IBTK: variants seen among roughly 807,000 people sequenced by gnomAD.
IBTK encodes inhibitor of Bruton tyrosine kinase.
In IBTK, 83 loss-of-function variants were observed where a neutral mutation model predicts 154.9. That is an observed-to-expected ratio of 0.54 (90% CI 0.45 to 0.64). The LOEUF is 0.64. Among genes scored for constraint, IBTK ranks in the 30% least tolerant of loss-of-function variants. IBTK has a pLI of 0.00. For synonymous variants in IBTK, 515 were observed against 536.1 expected (o/e 0.96, Z 0.54); for missense variants, 1,332 against 1,584.6 (o/e 0.84, Z 2.71).
At chr6:82,184,093 G>A (rs1768421489) in intron 25 of IBTK, among the ~76,000 whole-genome samples, 1 of 152,174 alleles carries the variant, frequency 6.6e-6, no homozygotes, top group Non-Finnish European at 1.5e-5. Flanking sequence ...ACTGGCATAA[G>A]GATTGACAAA....
intron 11 of IBTK, among the ~76,000 whole-genome samples, chr6:82,215,630 T>A (rs1769839485): frequency 6.6e-6 from 1 of 151,580 alleles, no homozygotes; most frequent in Non-Finnish European, 1.5e-5. Flanking sequence ...CTACTAAAAA[T>A]ACAAAAATTA....
At chr6:82,192,662 G>A (rs1210825130) in intron 23 of IBTK, among the ~76,000 whole-genome samples, 2 of 151,146 alleles carry the variant, frequency 1.3e-5, no homozygotes, top group African/African-American at 4.9e-5. Context: ...CAGGAGAACC[G>A]CTTGAACCTG....
rs2127822069 is a variant in IBTK at position 82,227,174 on chromosome 6, T to G, written c.654+18A>C. 1 of 1,509,948 alleles carries G rather than the reference T, an allele frequency of 6.6e-7. No individual in the cohort carries two copies. The highest frequency in any genetic ancestry group is 2.3e-5 in the East Asian group (1 of 43,988). The allele number at this position is 1,509,948 out of a possible 1,614,324, so 93.5% of individuals were successfully genotyped here. ...TTTTTCTAAAGTTACCTAAATAGTGTAATGACATTTCAATTACCAAGCATG... is the reference window on the plus strand; with the variant it reads ...TTTTTCTAAAGTTACCTAAATAGTGGAATGACATTTCAATTACCAAGCATG... On this transcript the variant is annotated intron_variant, in intron 5 of 28. Coordinates refer to ENST00000306270, the MANE Select transcript of IBTK (RefSeq NM_015525.4).
At chr6:82,209,232 A>G (rs892961856) in intron 16 of IBTK, among the ~76,000 whole-genome samples, 3 of 152,208 alleles carry the variant, frequency 2.0e-5, no homozygotes, top group Non-Finnish European at 4.4e-5. Context: ...TATGCCCAAG[A>G]AAAATGAAAA....
At chr6:82,195,587 A>T (rs1421920497) in intron 22 of IBTK, among the ~76,000 whole-genome samples, 1 of 152,136 alleles carries the variant, frequency 6.6e-6, no homozygotes, top group Non-Finnish European at 1.5e-5. Context: ...TCTCAAAAAA[A>T]AAAATCAAAT....
At chr6:82,227,544 T>C (rs1770340864) in intron 4 of IBTK, among the ~76,000 whole-genome samples, 1 of 152,146 alleles carries the variant, frequency 6.6e-6, no homozygotes, top group African/African-American at 2.4e-5. Context: ...GAATTAAGCA[T>C]GTGTTACCCA....
intron 25 of IBTK, 78 bp from the exon 26 acceptor site, chr6:82,182,106 A>G: frequency 7.1e-7 from 1 of 1,401,516 alleles, no homozygotes; most frequent in Non-Finnish European, 9.7e-7. Flanking sequence ...GAGAACAATA[A>G]GAACGTATAC....
intron 12 of IBTK, among the ~76,000 whole-genome samples, chr6:82,213,903 G>T (rs1258371778): frequency 2.0e-5 from 3 of 152,070 alleles, no homozygotes; most frequent in African/African-American, 7.2e-5. Flanking sequence ...TGGAACAAGT[G>T]GGAGGAGACT....
intron 25 of IBTK, among the ~76,000 whole-genome samples, chr6:82,186,120 A>T (rs1337055141): frequency 6.6e-6 from 1 of 152,162 alleles, no homozygotes; most frequent in Non-Finnish European, 1.5e-5. Flanking sequence ...TGGCAAGCTT[A>T]ATTGATAAAT....
chr6:82,201,792 A>G (rs532561337), intron 18 of IBTK, among the ~76,000 whole-genome samples: 1 of 151,606 alleles, frequency 6.6e-6, no homozygotes, highest in African/African-American at 2.4e-5. Context: ...GTGCAATCTC[A>G]GCTCACTGCA....
chr6:82,207,506 T>A (rs1769458870), intron 16 of IBTK, among the ~76,000 whole-genome samples: 1 of 152,162 alleles, frequency 6.6e-6, no homozygotes, highest in Admixed American at 6.5e-5. Flanking sequence ...ATGACAATAA[T>A]CCTCAAGCTG....
chr6:82,213,364 C>T (rs1769729328), intron 12 of IBTK, among the ~76,000 whole-genome samples: 1 of 152,032 alleles, frequency 6.6e-6, no homozygotes, highest in South Asian at 2.1e-4. Flanking sequence ...ACGATACACA[C>T]CCCTCCTCTC....
At chr6:82,238,061 T>C (rs1770797882) in intron 2 of IBTK, among the ~76,000 whole-genome samples, 1 of 151,942 alleles carries the variant, frequency 6.6e-6, no homozygotes, top group Admixed American at 6.6e-5. Context: ...CTGGCCAACA[T>C]GGGGAAACCC....
chr6:82,209,828 C>CT (rs1769559359), intron 16 of IBTK, among the ~76,000 whole-genome samples: 1 of 152,212 alleles, frequency 6.6e-6, no homozygotes, highest in African/African-American at 2.4e-5. Context: ...CAGTTAAACT[C>CT]TATCTCCTTA....
intron 1 of IBTK, among the ~76,000 whole-genome samples, chr6:82,246,441 C>CTTTTTTTTTTTTTTT (rs1554189129): frequency 1.8e-5 from 2 of 111,682 alleles, no homozygotes; most frequent in African/African-American, 3.5e-5. Flanking sequence ...TTACAGGCAT[C>CTTTTTTTTTTTTTTT]TTTTTTTTTT....
intron 22 of IBTK, 60 bp from the exon 23 acceptor site, chr6:82,194,702 A>G (rs1418361687): frequency 1.8e-6 from 2 of 1,118,424 alleles, no homozygotes; most frequent in Non-Finnish European, 2.4e-6. Flanking sequence ...ACTAACACAT[A>G]GCTGGTACTT....
chr6:82,235,608 A>G (rs1019955901), intron 2 of IBTK, among the ~76,000 whole-genome samples: 5 of 152,134 alleles, frequency 3.3e-5, no homozygotes, highest in African/African-American at 9.7e-5. Context: ...AAAACAAAAA[A>G]AAATTATCTG....
At chr6:82,217,655 G>A (rs1486131198) in intron 10 of IBTK, among the ~76,000 whole-genome samples, 3 of 152,128 alleles carry the variant, frequency 2.0e-5, no homozygotes, top group Non-Finnish European at 4.4e-5. Flanking sequence ...AATTTTCTGA[G>A]TAATTATAAA....
chr6:82,191,428 T>C, intron 24 of IBTK: 1 of 573,106 alleles, frequency 1.7e-6, no homozygotes, highest in Non-Finnish European at 3.0e-6. Flanking sequence ...CAGTTTATAC[T>C]AACAATGATC....
Sources: allele counts gnomAD v4.1 joint callset (sites outside exome capture counted in the v4.1 genomes callset), GRCh38; gene constraint gnomAD v4.1.1; transcripts MANE v1.5; gene names NCBI Gene and HGNC (gene_info 2026-07-23, HGNC 2026-07-21).